Variants in LIMCH1 observed in about 807,000 individuals in gnomAD.
LIMCH1 encodes the protein LIM and calponin homology domains-containing protein 1.
A neutral mutation model predicts 176.5 loss-of-function variants in LIMCH1; 113 were observed. That is an observed-to-expected ratio of 0.64 (90% CI 0.55 to 0.75). The LOEUF (loss-of-function observed/expected upper bound fraction) is 0.75, where lower values mean the gene tolerates loss of function less well. LIMCH1 is among the 30% of genes least tolerant of loss of function. LIMCH1 has a pLI of 0.00. For synonymous variants in LIMCH1, 619 were observed against 645.9 expected, an observed-to-expected ratio of 0.96 and a Z score of 0.63; for missense variants, 1,674 against 1,814.9, an observed-to-expected ratio of 0.92 and a Z score of 1.41.
chr4:41,536,044 CA>C (rs1301014058), upstream of LIMCH1, among the ~76,000 whole-genome samples: 1 of 152,160 alleles, frequency 6.6e-6, no homozygotes, highest in Non-Finnish European at 1.5e-5. Context: ...CCTTCAATTA[CA>C]AACTGTGAGC....
At chr4:41,390,236 C>CGG (rs1299924355) in intron 1 of LIMCH1, among the ~76,000 whole-genome samples, 21 of 116,204 alleles carry the variant, frequency 1.8e-4, no homozygotes, top group Non-Finnish European at 3.3e-4. Flanking sequence ...GCATCTCTCT[C>CGG]AGGGAGAGAG....
At chr4:41,618,395 C>G (rs1399779311) in intron 5 of LIMCH1, among the ~76,000 whole-genome samples, 1 of 152,188 alleles carries the variant, frequency 6.6e-6, no homozygotes, top group East Asian at 1.9e-4. Context: ...TTAAAACACT[C>G]TAAGCCAAAC....
At chr4:41,383,351 C>T (rs990830133) in intron 1 of LIMCH1, among the ~76,000 whole-genome samples, 13 of 152,008 alleles carry the variant, frequency 8.6e-5, no homozygotes, top group African/African-American at 1.9e-4. Context: ...AAGTAAAGAA[C>T]GGTTTAGGAA....
rs543015334 is a variant in LIMCH1, at chr4:41,642,030, A to G, written c.2127-2470A>G. ...CATGCCCATTGGGTGAGATAATCAA[A>G]TCCCAGATCCTGGAGAAGGCTGCCA... On this transcript the variant is annotated intron_variant, in intron 14 of 31. Transcript: ENST00000503057. Among the ~76,000 whole-genome samples the G allele has an allele frequency of 2.2e-4, 34 of 152,272 alleles. No homozygotes were observed. In the South Asian group the frequency reaches 3.9e-3, roughly 18 times the overall value.
intron 4 of LIMCH1, among the ~76,000 whole-genome samples, chr4:41,606,322 A>G (rs1016434146): frequency 6.6e-6 from 1 of 152,180 alleles, no homozygotes; most frequent in Admixed American, 6.6e-5. Flanking sequence ...TGGGGGAATA[A>G]TGCTTGAATT....
intron 15 of LIMCH1, among the ~76,000 whole-genome samples, chr4:41,645,243 A>T (rs1687315044): frequency 6.6e-6 from 1 of 152,186 alleles, no homozygotes; most frequent in Admixed American, 6.5e-5. Flanking sequence ...GGGAGAGTGG[A>T]TTATTTCATT....
intron 1 of LIMCH1, among the ~76,000 whole-genome samples, chr4:41,566,650 A>G (rs1584219743): frequency 6.6e-6 from 1 of 152,232 alleles, no homozygotes; most frequent in Non-Finnish European, 1.5e-5. Flanking sequence ...TATGATAACT[A>G]TGTGAAGTGA....
At position 41,663,128 on chromosome 4, in the gene LIMCH1, C is replaced by A. The variant is rs371723335; in HGVS notation, c.3291+144C>A. The stretch of plus-strand genomic sequence containing the variant: ...TTCCTATCTTTAATCTGTAGTTTTT[C>A]TTTTTCGTGTGTGTGTGTGTGTGTG... On this transcript the variant is annotated intron_variant, in intron 20 of 31. Transcript: ENST00000503057. 13 of 644,694 alleles carry A rather than the reference C, an allele frequency of 2.0e-5. No homozygotes were observed. In the African/African-American group the frequency reaches 2.1e-4, roughly 10 times the overall value. 39.9% of individuals were successfully genotyped at this position (644,694 alleles called of 1,614,324 possible).
chr4:41,661,556 T>C (rs1243746709), intron 19 of LIMCH1, 46 bp downstream of exon 19: 1 of 1,291,250 alleles, frequency 7.7e-7, no homozygotes, highest in Admixed American at 1.8e-5. Flanking sequence ...ATGGTAACTG[T>C]TTAAGATGTA....
chr4:41,684,571 C>T (rs1486973043), intron 27 of LIMCH1, 53 bp downstream of exon 27: 1 of 1,593,960 alleles, frequency 6.3e-7, no homozygotes, highest in South Asian at 1.1e-5. Context: ...TGTAAGACCC[C>T]CACATTGTCC....
At position 41,698,404 on chromosome 4, in the gene LIMCH1, G is replaced by T. The variant is rs1401888933; in HGVS notation, c.*1219G>T. On this transcript the variant is annotated 3_prime_UTR_variant, in exon 32 of 32. Coordinates refer to ENST00000503057, the MANE Select transcript of LIMCH1 (RefSeq NM_001330672.2). Reference sequence around the variant, plus strand: ...AGAGAGGAACTCTTGTGGAGAGCTGGTTTATTTTCTGCCCTGTGCGACGAG... The same window carrying T: ...AGAGAGGAACTCTTGTGGAGAGCTGTTTTATTTTCTGCCCTGTGCGACGAG... 5 of 152,290 alleles carry T rather than the reference G, an allele frequency of 3.3e-5. No individual in the cohort carries two copies. Among genetic ancestry groups the T allele is most frequent in the Non-Finnish European group, 7.3e-5 (5 of 68,046 alleles). The allele number at this position is 152,290 out of a possible 1,614,324, so 9.4% of individuals were successfully genotyped here. A position where few individuals can be genotyped will look rare whatever the true frequency, so the allele number is the denominator to read the frequency against.
At chr4:41,503,141 A>G (rs902128361) in intron 2 of LIMCH1, among the ~76,000 whole-genome samples, 13 of 152,050 alleles carry the variant, frequency 8.5e-5, no homozygotes, top group Non-Finnish European at 1.6e-4. Context: ...TTTAGCTTAT[A>G]TTTTACTAGC....
intron 1 of LIMCH1, among the ~76,000 whole-genome samples, chr4:41,548,818 G>A (rs2079968620): frequency 6.6e-6 from 1 of 152,108 alleles, no homozygotes; most frequent in Admixed American, 6.6e-5. Context: ...CCTAGAGGCA[G>A]GAGGACTAAG....
chr4:41,663,492 T>C (rs1228734335), intron 20 of LIMCH1, among the ~76,000 whole-genome samples: 1 of 152,176 alleles, frequency 6.6e-6, no homozygotes, highest in Non-Finnish European at 1.5e-5. Flanking sequence ...CCAATAATCA[T>C]CTATTTGTTA....
intron 1 of LIMCH1, among the ~76,000 whole-genome samples, chr4:41,489,262 C>A (rs2070290205): frequency 6.6e-6 from 1 of 152,050 alleles, no homozygotes; most frequent in South Asian, 2.1e-4. Flanking sequence ...ACAAAACCCC[C>A]CACCAGCTTT....
At chr4:41,377,358 G>C (rs2054912270) in intron 1 of LIMCH1, among the ~76,000 whole-genome samples, 2 of 152,158 alleles carry the variant, frequency 1.3e-5, no homozygotes, top group Admixed American at 1.3e-4. Context: ...GTCTCCACTT[G>C]CATCACATCT....
At chr4:41,632,662 C>A in intron 10 of LIMCH1, 87 bp from the exon 11 acceptor site, 1 of 1,041,202 alleles carries the variant, frequency 9.6e-7, no homozygotes, top group Non-Finnish European at 1.4e-6. Flanking sequence ...TTCTCTTAAT[C>A]TTTCAGTCCC....
chr4:41,687,453 T>TC (rs1721777966), intron 28 of LIMCH1, among the ~76,000 whole-genome samples: 1 of 152,138 alleles, frequency 6.6e-6, no homozygotes, highest in Non-Finnish European at 1.5e-5. Context: ...TCTTTCCCCT[T>TC]CCACGGAGTC....
intron 3 of LIMCH1, among the ~76,000 whole-genome samples, chr4:41,531,057 G>GTA (rs1370118683): frequency 6.6e-6 from 1 of 151,820 alleles, no homozygotes; most frequent in African/African-American, 2.4e-5. Flanking sequence ...GGCAGAGTTG[G>GTA]TACTTGAACC....
Sources: allele counts gnomAD v4.1 joint callset (sites outside exome capture counted in the v4.1 genomes callset), GRCh38; gene constraint gnomAD v4.1.1; transcripts MANE v1.5; gene names NCBI Gene and HGNC (gene_info 2026-07-23, HGNC 2026-07-21).